Variants in PCDHGA10 observed in about 807,000 individuals in gnomAD.
The protein encoded by PCDHGA10 is protocadherin gamma-A10.
In PCDHGA10, 42 loss-of-function variants were observed where a neutral mutation model predicts 59.5. The observed-to-expected ratio is 0.71, with a 90% CI of 0.55 to 0.91. The LOEUF is 0.91. Ranked by LOEUF, PCDHGA10 falls within the 40% of genes least tolerant of loss-of-function variation. The probability of loss-of-function intolerance (pLI) is 0.00; values close to 1 mark genes in which losing one functional copy is unlikely to be tolerated. For missense variants in PCDHGA10, 1,111 were observed against 1,198.2 expected, an observed-to-expected ratio of 0.93 and a Z score of 1.07; for synonymous variants, 511 against 517.2, an observed-to-expected ratio of 0.99 and a Z score of 0.16.
In PCDHGA10 at chr5:141,432,854, G is replaced by A. The variant is rs769962088; in HGVS notation, c.2436+17243G>A. 1 of 1,614,192 alleles carries A rather than the reference G, an allele frequency of 6.2e-7. No homozygotes were observed. On this transcript the variant is annotated intron_variant, in intron 1 of 3. Transcript: ENST00000398610. The surrounding 1 kb of genome is among the most constrained non-coding windows in gnomAD (Gnocchi z 6.0). ...TCTGTACCTGGTGGTAGCGGTGGCC[G>A]CGGTCTCCTGCGTCTTCCTGGCCTT...
At chr5:141,510,844 C>A in intron 3 of PCDHGA10, 103 bp from the exon 4 acceptor site, 1 of 1,592,684 alleles carries the variant, frequency 6.3e-7, no homozygotes, top group South Asian at 1.1e-5. Context: ...GTGGTCAAGG[C>A]CCAGGGTGCT....
rs1177043977 is a variant in PCDHGA10, at chr5:141,491,919, C to G, written c.2437-2888C>G. On this transcript the variant is annotated intron_variant, in intron 1 of 3. Coordinates refer to ENST00000398610, the MANE Select transcript of PCDHGA10 (RefSeq NM_018913.3). The surrounding 1 kb of genome is among the most constrained non-coding windows in gnomAD (Gnocchi z 6.9). ...CACCGGGGGTGGTGGCGACTGTGGG[C>G]GAGGGGAGGTGGGACCGACCCCCAC... 5 of 1,361,900 alleles carry G rather than the reference C, an allele frequency of 3.7e-6. No homozygotes were observed. The South Asian group carries it at 7.8e-5, about 21-fold the overall frequency. The allele number at this position is 1,361,900 out of a possible 1,614,324, so 84.4% of individuals were successfully genotyped here. A position where few individuals can be genotyped will look rare whatever the true frequency, so the allele number is the denominator to read the frequency against.
intron 1 of PCDHGA10, among the ~76,000 whole-genome samples, chr5:141,450,006 C>CTATTTTTTTTTT (rs70988802): frequency 7.5e-6 from 1 of 132,986 alleles, no homozygotes. Context: ...TGCCATGTCT[C>CTATTTTTTTTTT]TTTTTTTTTT....
rs956295940 is a variant in PCDHGA10 at position 141,477,700 on chromosome 5, G to T, written c.2437-17107G>T. The T allele has an allele frequency of 1.2e-6, 2 of 1,613,954 alleles. No individual in the cohort carries two copies. Among genetic ancestry groups the T allele is most frequent in the African/African-American group, 2.7e-5 (2 of 74,928 alleles). On this transcript the variant is annotated intron_variant, in intron 1 of 3. Coordinates refer to ENST00000398610, the MANE Select transcript of PCDHGA10 (RefSeq NM_018913.3). This position sits in a 1 kb window ranked among gnomAD's most constrained non-coding sequence, Gnocchi z 4.9. ...CATCCTTAGTGCCCCTAGACTATGAGGATCGGCGGGAATTTGAATTAACAG... is the reference window on the plus strand; with the variant it reads ...CATCCTTAGTGCCCCTAGACTATGATGATCGGCGGGAATTTGAATTAACAG...
At chr5:141,469,770 A>G (rs1003620088) in intron 1 of PCDHGA10, among the ~76,000 whole-genome samples, 4 of 152,234 alleles carry the variant, frequency 2.6e-5, no homozygotes, top group Non-Finnish European at 5.9e-5. Flanking sequence ...ATACCAGCTT[A>G]TTTATTACAG....
Position 141,491,739 on chromosome 5 carries a change from C to T in PCDHGA10, c.2437-3068C>T. ...CGCCGCCCCGGGCGACCCCTGGGGG[C>T]GGCACTGGAGAAGCCGCCCGTCCTC... On this transcript the variant is annotated intron_variant, in intron 1 of 3. Transcript: ENST00000398610. This position sits in a 1 kb window ranked among gnomAD's most constrained non-coding sequence, Gnocchi z 6.9. The T allele has an allele frequency of 1.3e-6, 2 of 1,599,004 alleles. No individual in the cohort carries two copies. Among genetic ancestry groups the T allele is most frequent in the East Asian group, 2.3e-5 (1 of 44,194 alleles).
At chr5:141,416,387 A>T (rs1229066765) in intron 1 of PCDHGA10, 1 of 152,190 alleles carries the variant, frequency 6.6e-6, no homozygotes, top group Admixed American at 6.5e-5. Context: ...AATATTTGGG[A>T]TTCTGCTTTT....
In PCDHGA10 at chr5:141,461,484, T is replaced by C. The variant is rs1171584384; in HGVS notation, c.2437-33323T>C. On this transcript the variant is annotated intron_variant, in intron 1 of 3. Transcript: ENST00000398610. ...GTCCTTTGCCTACTTTTTAATGGGATTGTGTTTTATTTTTCTTGGTGATTT... is the reference window on the plus strand; with the variant it reads ...GTCCTTTGCCTACTTTTTAATGGGACTGTGTTTTATTTTTCTTGGTGATTT... 2.6e-5 allele frequency among the ~76,000 whole-genome samples: 4 copies of C among 152,152 alleles called. No homozygotes were observed. In the East Asian group the frequency reaches 7.7e-4, roughly 29 times the overall value.
intron 1 of PCDHGA10, chr5:141,478,798 T>G: frequency 6.8e-7 from 1 of 1,463,780 alleles, no homozygotes. Flanking sequence ...TCCTCAGCAC[T>G]CTTTTGCTAT....
Position 141,414,139 on chromosome 5 carries a change from G to A in PCDHGA10, c.964G>A (p.Glu322Lys), listed in dbSNP as rs1245110230. The change falls in exon 1 of 4, where the codon GAA becomes AAA. Residue 322 changes from glutamate to lysine, a missense_variant. Physicochemically the swap from Glu to Lys is moderately conservative, Grantham distance 56. Transcript: ENST00000398610. ...TGAAGAAACCGGTTTCTATGAAATA[G>A]AAATACAAGCAGAAGATGGAGGAGC... ...DYEETGFYEI[E>K]IQAEDGGAYL... 3.8e-6 allele frequency: 6 copies of A among 1,596,386 alleles called. No homozygotes were observed. The highest frequency in any genetic ancestry group is 1.3e-5 in the African/African-American group (1 of 74,428).
chr5:141,418,224 T>C (rs756997971), intron 1 of PCDHGA10: 1 of 1,613,998 alleles, frequency 6.2e-7, no homozygotes, highest in Non-Finnish European at 8.5e-7. Flanking sequence ...GTCATTGTGG[T>C]GATTGAGGAT....
At chr5:141,422,546 GGC>G in intron 1 of PCDHGA10, 8 of 1,613,972 alleles carry the variant, frequency 5.0e-6, no homozygotes, top group Non-Finnish European at 6.8e-6. Flanking sequence ...ACTCATGTCT[GGC>G]TGAATGTGGC....
intron 1 of PCDHGA10, chr5:141,478,803 T>G: frequency 2.1e-6 from 3 of 1,463,244 alleles, no homozygotes; most frequent in Non-Finnish European, 2.7e-6. Context: ...AGCACTCTTT[T>G]GCTATCACAA....
At chr5:141,420,222 TG>T in intron 1 of PCDHGA10, 1 of 1,604,490 alleles carries the variant, frequency 6.2e-7, no homozygotes, top group East Asian at 2.2e-5. Flanking sequence ...AGCATGCTAC[TG>T]GCTAGCATTT....
At chr5:141,442,005 C>G (rs1037210381) in intron 1 of PCDHGA10, 1 of 229,014 alleles carries the variant, frequency 4.4e-6, no homozygotes. Flanking sequence ...GCTGACAGCT[C>G]GCACGATGGG....
chr5:141,506,577 A>G (rs2099855057), intron 3 of PCDHGA10, among the ~76,000 whole-genome samples: 1 of 152,162 alleles, frequency 6.6e-6, no homozygotes, highest in South Asian at 2.1e-4. Flanking sequence ...TTCACTTACT[A>G]TTAATGGGCA....
chr5:141,427,304 C>T, intron 1 of PCDHGA10: 1 of 456,910 alleles, frequency 2.2e-6, no homozygotes, highest in Non-Finnish European at 4.4e-6. Flanking sequence ...ATGAGAATGA[C>T]AATGCCCCAG....
Position 141,430,614 on chromosome 5 carries a change from T to C in PCDHGA10, c.2436+15003T>C, listed in dbSNP as rs1030314096. 7.3e-6 allele frequency: 5 copies of C among 680,636 alleles called. No individual in the cohort carries two copies. In the African/African-American group the frequency reaches 7.4e-5, roughly 10 times the overall value. 42.2% of individuals were successfully genotyped at this position (680,636 alleles called of 1,614,324 possible). ...GCACGCGCCTGAAGCACAAAGCAGA[T>C]AGCTAGGAATGAACCATCCCTGGGA... On this transcript the variant is annotated intron_variant, in intron 1 of 3. Transcript: ENST00000398610.
At position 141,481,880 on chromosome 5, in the gene PCDHGA10, C is replaced by T. The variant is rs555652518; in HGVS notation, c.2437-12927C>T. Among the ~76,000 whole-genome samples, 5 of 145,406 alleles carry T rather than the reference C, an allele frequency of 3.4e-5. No individual in the cohort carries two copies. The East Asian group carries it at 1.0e-3, about 29-fold the overall frequency. On this transcript the variant is annotated intron_variant, in intron 1 of 3. Transcript: ENST00000398610. ...AGTGAGCCGAGATCGCGCCACTGCA[C>T]TCCAGCCTGGGTGAAAGAGCGAAAC...
Sources: allele counts gnomAD v4.1 joint callset (sites outside exome capture counted in the v4.1 genomes callset), GRCh38; gene constraint gnomAD v4.1.1; non-coding constraint Gnocchi (gnomAD v3.1); transcripts MANE v1.5; gene names NCBI Gene and HGNC (gene_info 2026-07-23, HGNC 2026-07-21).